The following ATP2B2 variants were observed in gnomAD, a reference collection of about 807,000 sequenced individuals.
The protein encoded by ATP2B2 is plasma membrane calcium-transporting ATPase 2.
ATP2B2 carries 15 observed loss-of-function variants against 120.0 expected under a neutral mutation model. The ratio of observed to expected loss-of-function variants is 0.12; its 90% CI spans 0.08 to 0.19. The LOEUF is 0.19. Ranked by LOEUF, ATP2B2 falls within the 10% of genes least tolerant of loss-of-function variation. ATP2B2 has a pLI of 1.00. For synonymous variants in ATP2B2, 694 were observed against 700.3 expected (o/e 0.99, Z 0.14); for missense variants, 1,045 against 1,719.8 (o/e 0.61, Z 6.94).
intron 2 of ATP2B2, among the ~76,000 whole-genome samples, chr3:10,544,356 G>A (rs1355702927): frequency 1.3e-5 from 2 of 152,198 alleles, no homozygotes; most frequent in Admixed American, 6.5e-5. Flanking sequence ...CCTATCACCT[G>A]CCTAGGGGCC....
At chr3:10,504,425 C>T (rs532649146) in intron 1 of ATP2B2, among the ~76,000 whole-genome samples, 3 of 152,278 alleles carry the variant, frequency 2.0e-5, no homozygotes, top group East Asian at 1.9e-4. Flanking sequence ...CATGCAGCGT[C>T]GCACTAAGAC....
chr3:10,421,807 T>G (rs1420904759), intron 2 of ATP2B2, among the ~76,000 whole-genome samples: 2 of 152,192 alleles, frequency 1.3e-5, no homozygotes, highest in Non-Finnish European at 2.9e-5. Flanking sequence ...GCCTCTGACT[T>G]GGCACATCTG....
intron 3 of ATP2B2, among the ~76,000 whole-genome samples, chr3:10,512,265 C>T: frequency 6.6e-6 from 1 of 152,050 alleles, no homozygotes; most frequent in Middle Eastern, 3.4e-3. Flanking sequence ...GGGGTGACGA[C>T]TGAGAATGCT....
intron 1 of ATP2B2, among the ~76,000 whole-genome samples, chr3:10,666,693 G>T (rs1046474948): frequency 1.3e-5 from 2 of 152,226 alleles, no homozygotes; most frequent in African/African-American, 2.4e-5. Flanking sequence ...CAGGCCAATG[G>T]ATGAATGAAG....
chr3:10,548,742 T>A (rs912434802), intron 2 of ATP2B2, among the ~76,000 whole-genome samples: 1 of 152,234 alleles, frequency 6.6e-6, no homozygotes, highest in African/African-American at 2.4e-5. Context: ...CGTCATCTTA[T>A]GATCTGCTTC....
chr3:10,451,500 G>A (rs1559355418), intron 1 of ATP2B2, among the ~76,000 whole-genome samples: 3 of 152,180 alleles, frequency 2.0e-5, no homozygotes. Context: ...CAAATCCAGT[G>A]TGTTTCTGGA....
At chr3:10,473,794 A>G (rs776112536) in intron 1 of ATP2B2, among the ~76,000 whole-genome samples, 2 of 152,206 alleles carry the variant, frequency 1.3e-5, no homozygotes, top group Non-Finnish European at 2.9e-5. Flanking sequence ...TGCTTTTAGT[A>G]ACTCAAAGAA....
At chr3:10,332,620 A>T (rs1426354716) in intron 22 of ATP2B2, among the ~76,000 whole-genome samples, 1 of 152,096 alleles carries the variant, frequency 6.6e-6, no homozygotes, top group Non-Finnish European at 1.5e-5. Context: ...TTTTCACGAT[A>T]TGAGGCTGTG....
intron 2 of ATP2B2, among the ~76,000 whole-genome samples, chr3:10,448,388 A>G (rs2063912934): frequency 6.6e-6 from 1 of 152,152 alleles, no homozygotes; most frequent in Non-Finnish European, 1.5e-5. Context: ...GTCACTGCAG[A>G]GCCTCACACA....
rs59467255 is a variant in ATP2B2, at chr3:10,534,898, G to GTT, written c.-414-767_-414-766dup. On this transcript the variant is annotated intron_variant, in intron 2 of 21. Transcript: ENST00000646379. ...CTCAATCCATTTATTCATTTATTTG[G>GTT]TTTTTTTTTTTTTTTTTTTTTTTGA... Among the ~76,000 whole-genome samples the GTT allele has an allele frequency of 9.6e-3, 842 of 87,626 alleles. 2 individuals are homozygous for GTT. The highest frequency in any genetic ancestry group is 0.012 in the East Asian group (34 of 2,898). 57.5% of individuals were successfully genotyped at this position (87,626 alleles called of 152,430 possible). A position where few individuals can be genotyped will look rare whatever the true frequency, so the allele number is the denominator to read the frequency against.
At chr3:10,356,502 T>A (rs1287578368) in intron 14 of ATP2B2, among the ~76,000 whole-genome samples, 1 of 152,242 alleles carries the variant, frequency 6.6e-6, no homozygotes, top group Non-Finnish European at 1.5e-5. Flanking sequence ...TGTGTGTGTT[T>A]ACTGAGTCAT....
chr3:10,332,068 C>A (rs1314920914), intron 22 of ATP2B2: 2 of 1,544,448 alleles, frequency 1.3e-6, no homozygotes, highest in Admixed American at 3.9e-5. Context: ...AATATTCAGA[C>A]AGTGGAGAGG....
At chr3:10,414,547 G>A (rs1226291672) in intron 2 of ATP2B2, among the ~76,000 whole-genome samples, 1 of 152,220 alleles carries the variant, frequency 6.6e-6, no homozygotes, top group South Asian at 2.1e-4. Context: ...TCCTGTGGGG[G>A]AATGTGGGCC....
intron 21 of ATP2B2, 94 bp from the exon 22 acceptor site, chr3:10,338,452 C>G (rs971483819): frequency 1.5e-6 from 2 of 1,371,540 alleles, no homozygotes; most frequent in South Asian, 1.2e-5. Flanking sequence ...TCCTCCTACC[C>G]GCTCACCCAG....
At position 10,328,864 on chromosome 3, in the gene ATP2B2, T is replaced by C; in HGVS notation, c.3682A>G (p.Thr1228Ala). 2.5e-6 allele frequency: 4 copies of C among 1,613,644 alleles called. No homozygotes were observed. The highest frequency in any genetic ancestry group is 3.4e-6 in the Non-Finnish European group (4 of 1,179,840). The change falls in exon 23 of 23, where the codon ACC (threonine) becomes GCC (alanine). Residue 1228 changes from threonine to alanine, a missense_variant. By Grantham distance (58) the Thr-to-Ala change is moderately conservative. Transcript: ENST00000360273. ...NLTTDTSKSA[T>A]SSSPGSPIHS... ...ATGGGGCTCCCTGGACTTGAAGAGG[T>C]AGCTGATTTGCTTGTGTCGGTCGTC...
At chr3:10,695,008 T>C (rs901195997) in intron 1 of ATP2B2, among the ~76,000 whole-genome samples, 2 of 152,104 alleles carry the variant, frequency 1.3e-5, no homozygotes, top group East Asian at 1.9e-4. Flanking sequence ...GTCCCCACTC[T>C]TTGAATTTTG....
At chr3:10,623,457 A>T (rs1325523773) in intron 1 of ATP2B2, among the ~76,000 whole-genome samples, 1 of 152,142 alleles carries the variant, frequency 6.6e-6, no homozygotes, top group African/African-American at 2.4e-5. Context: ...CACAGCCCAA[A>T]AACAAAACTT....
intron 2 of ATP2B2, among the ~76,000 whole-genome samples, chr3:10,619,436 G>GA (rs2069485599): frequency 6.6e-6 from 1 of 152,114 alleles, no homozygotes; most frequent in African/African-American, 2.4e-5. Flanking sequence ...GATAGTAATT[G>GA]AAAAACCATC....
chr3:10,543,810 C>T (rs1470075150), intron 2 of ATP2B2, among the ~76,000 whole-genome samples: 1 of 151,520 alleles, frequency 6.6e-6, no homozygotes, highest in South Asian at 2.1e-4. Context: ...ATGATCTCAG[C>T]TCACTGCAAC....
Sources: allele counts gnomAD v4.1 joint callset (sites outside exome capture counted in the v4.1 genomes callset), GRCh38; gene constraint gnomAD v4.1.1; transcripts MANE v1.5; gene names NCBI Gene and HGNC (gene_info 2026-07-23, HGNC 2026-07-21).